The following KCNQ5 variants were observed in gnomAD, a reference collection of about 807,000 sequenced individuals.
KCNQ5 encodes potassium voltage-gated channel subfamily KQT member 5.
Under a neutral mutation model 98.2 loss-of-function variants are expected in KCNQ5, and 30 were observed. The observed-to-expected ratio is 0.31, with a 90% confidence interval of 0.23 to 0.41. The LOEUF (loss-of-function observed/expected upper bound fraction) is 0.41, where lower values mean the gene tolerates loss of function less well. Ranked by LOEUF, KCNQ5 falls within the 10% of genes least tolerant of loss-of-function variation. The pLI is 1.00. For missense variants in KCNQ5, 835 were observed against 1,182.5 expected, an observed-to-expected ratio of 0.71 and a Z score of 4.31; for synonymous variants, 458 against 449.4, an observed-to-expected ratio of 1.02 and a Z score of -0.24.
chr6:72,735,972 A>G (rs1452397113), intron 1 of KCNQ5, among the ~76,000 whole-genome samples: 1 of 152,144 alleles, frequency 6.6e-6, no homozygotes, highest in Non-Finnish European at 1.5e-5. Context: ...TAGCTAGTGT[A>G]GCAATTTCAA....
chr6:72,793,816 T>G, intron 1 of KCNQ5, among the ~76,000 whole-genome samples: 1 of 152,346 alleles, frequency 6.6e-6, no homozygotes, highest in South Asian at 2.1e-4. Context: ...TCAGGCCCTG[T>G]GCCCAGCCTT....
Position 73,194,918 on chromosome 6 carries a change from C to G in KCNQ5, c.2303C>G (p.Pro768Arg), listed in dbSNP as rs1247050213. The G allele has an allele frequency of 1.9e-6, 3 of 1,614,082 alleles. No homozygotes were observed. Among genetic ancestry groups the G allele is most frequent in the Non-Finnish European group, 2.5e-6 (3 of 1,180,060 alleles). ...CTGCCCAGGCCAGAAACTCTGCACC[C>G]TAACCCTGCAGGCTTACAGGAAAGC... is the stretch of plus-strand genomic sequence containing the variant. The part of the protein sequence containing the change: ...KHLPRPETLH[P>R]NPAGLQESIS... Residue 768 changes from proline (P) to arginine (R), a missense_variant, in exon 14 of 14, where the codon CCT becomes CGT. This residue lies in a region of KCNQ5 where 416 missense variants were observed against 446.9 expected (regional missense o/e 0.93). Transcript: ENST00000370398.
chr6:73,152,322 T>C (rs1357925402), intron 10 of KCNQ5, among the ~76,000 whole-genome samples: 1 of 152,090 alleles, frequency 6.6e-6, no homozygotes, highest in Non-Finnish European at 1.5e-5. Context: ...CTGGCCCCGA[T>C]TTTCTTATCC....
chr6:72,755,440 G>A (rs1257052270), intron 1 of KCNQ5, among the ~76,000 whole-genome samples: 1 of 151,772 alleles, frequency 6.6e-6, no homozygotes, highest in Non-Finnish European at 1.5e-5. Flanking sequence ...TCCTACCTGT[G>A]GATTAACTAA....
chr6:73,054,557 G>A (rs1400487782), intron 3 of KCNQ5, among the ~76,000 whole-genome samples: 2 of 152,178 alleles, frequency 1.3e-5, no homozygotes, highest in African/African-American at 2.4e-5. Flanking sequence ...ATGAATAAAT[G>A]TGATTCATCA....
intron 1 of KCNQ5, chr6:72,987,672 T>C (rs773734353): frequency 3.3e-6 from 2 of 608,266 alleles, no homozygotes; most frequent in Non-Finnish European, 5.9e-6. Flanking sequence ...GCGGAGCCCG[T>C]CTCTGCTTCT....
At chr6:72,702,251 T>C (rs1768848214) in intron 1 of KCNQ5, among the ~76,000 whole-genome samples, 1 of 152,176 alleles carries the variant, frequency 6.6e-6, no homozygotes, top group Non-Finnish European at 1.5e-5. Context: ...TAAGGATACA[T>C]TATGAGTGTG....
chr6:73,099,789 C>T (rs193154698), intron 5 of KCNQ5, among the ~76,000 whole-genome samples: 13 of 152,270 alleles, frequency 8.5e-5, no homozygotes, highest in African/African-American at 3.1e-4. Flanking sequence ...AGAAAATCAA[C>T]AAAGAAACAT....
chr6:73,087,158 G>GAAAGCA (rs1306866074), intron 5 of KCNQ5, among the ~76,000 whole-genome samples: 1 of 152,120 alleles, frequency 6.6e-6, no homozygotes, highest in Non-Finnish European at 1.5e-5. Context: ...GGAACTAGAG[G>GAAAGCA]AAAGCAAAAG....
intron 1 of KCNQ5, among the ~76,000 whole-genome samples, chr6:72,981,938 G>A (rs1272437194): frequency 2.6e-5 from 4 of 152,186 alleles, no homozygotes; most frequent in Non-Finnish European, 4.4e-5. Flanking sequence ...GGAGCAGGTT[G>A]TTCAGTTTCC....
chr6:73,029,354 A>T lies in KCNQ5; in HGVS notation c.490-12582A>T, dbSNP rs538125903. On this transcript the variant is annotated intron_variant, in intron 2 of 13. Transcript: ENST00000370398. ...GATACTCCCATGAATTCCTGGATTC[A>T]GCTGTCAGGATAATTCACCATTAAA... Among the ~76,000 whole-genome samples the T allele has an allele frequency of 7.2e-5, 11 of 152,308 alleles. No homozygotes were observed. In the East Asian group the frequency reaches 2.1e-3, roughly 29 times the overall value.
chr6:72,934,572 T>C (rs1161300677), intron 1 of KCNQ5, among the ~76,000 whole-genome samples: 2 of 152,246 alleles, frequency 1.3e-5, no homozygotes, highest in African/African-American at 4.8e-5. Flanking sequence ...GATCTGAACT[T>C]TGGCCTTTTG....
At chr6:72,813,166 C>T (rs1276545797) in intron 1 of KCNQ5, among the ~76,000 whole-genome samples, 2 of 151,920 alleles carry the variant, frequency 1.3e-5, no homozygotes, top group Admixed American at 6.6e-5. Context: ...CTGTTTTTAT[C>T]ATTTACCTAT....
intron 1 of KCNQ5, among the ~76,000 whole-genome samples, chr6:72,672,324 C>T (rs1367219552): frequency 6.6e-6 from 1 of 151,958 alleles, no homozygotes; most frequent in Non-Finnish European, 1.5e-5. Context: ...TCTCAAACTC[C>T]TGACCTCGAG....
chr6:73,155,086 C>A (rs1777310816), intron 10 of KCNQ5, among the ~76,000 whole-genome samples: 1 of 152,192 alleles, frequency 6.6e-6, no homozygotes, highest in Non-Finnish European at 1.5e-5. Context: ...ATCAGTCTTC[C>A]TTCAGAGGTG....
intron 1 of KCNQ5, among the ~76,000 whole-genome samples, chr6:72,664,122 C>T (rs1181765896): frequency 6.6e-6 from 1 of 152,096 alleles, no homozygotes; most frequent in African/African-American, 2.4e-5. Context: ...TGCTAGTGGA[C>T]ATGGAATACA....
intron 10 of KCNQ5, among the ~76,000 whole-genome samples, chr6:73,137,170 T>A (rs1239982464): frequency 6.6e-6 from 1 of 152,250 alleles, no homozygotes; most frequent in Admixed American, 6.5e-5. Flanking sequence ...TACTCTTTAC[T>A]ACAGACAGTA....
chr6:72,935,646 T>C (rs1222571465), intron 1 of KCNQ5, among the ~76,000 whole-genome samples: 1 of 152,188 alleles, frequency 6.6e-6, no homozygotes, highest in Non-Finnish European at 1.5e-5. Flanking sequence ...GGCTCTGTTA[T>C]CCCCATCCAG....
At chr6:72,740,534 G>A (rs1272870820) in intron 1 of KCNQ5, among the ~76,000 whole-genome samples, 2 of 152,140 alleles carry the variant, frequency 1.3e-5, no homozygotes, top group African/African-American at 2.4e-5. Flanking sequence ...GAAAGATTAA[G>A]TCCAAATAGC....
Sources: gnomAD v4.1 joint callset for allele counts (sites outside exome capture counted in the v4.1 genomes callset) on GRCh38, gnomAD v4.1.1 for gene constraint, gnomAD v4.1.1 regional missense constraint, MANE v1.5 for transcripts, NCBI Gene and HGNC (gene_info 2026-07-23, HGNC 2026-07-21) for gene names.